The following GPD2 variants were observed in gnomAD, a reference collection of about 807,000 sequenced individuals.
GPD2 encodes glycerol-3-phosphate dehydrogenase, mitochondrial.
A neutral mutation model predicts 82.4 loss-of-function variants in GPD2; 54 were observed. That is an observed-to-expected ratio of 0.66 (90% confidence interval 0.53 to 0.82). The LOEUF (loss-of-function observed/expected upper bound fraction) is 0.82. Ranked by LOEUF, GPD2 falls within the 40% of genes least tolerant of loss-of-function variation. GPD2 has a pLI of 0.00. For synonymous variants in GPD2, 288 were observed against 306.1 expected (o/e 0.94, Z 0.62); for missense variants, 748 against 896.2 (o/e 0.83, Z 2.11).
intron 1 of GPD2, among the ~76,000 whole-genome samples, chr2:156,463,579 G>A (rs1256514218): frequency 6.6e-6 from 1 of 152,166 alleles, no homozygotes; most frequent in Non-Finnish European, 1.5e-5. Flanking sequence ...TTGAAGGCTA[G>A]CTCATATATA....
At chr2:156,401,142 A>G in the GPD2 span, among the ~76,000 whole-genome samples, 17 of 152,306 alleles carry the variant, frequency 1.1e-4, no homozygotes, top group East Asian at 5.8e-4. Flanking sequence ...CTAGAAGTCA[A>G]AACTTGCATT....
chr2:156,429,267 A>G, the GPD2 span, among the ~76,000 whole-genome samples: 1 of 152,184 alleles, frequency 6.6e-6, no homozygotes, highest in African/African-American at 2.4e-5. Flanking sequence ...CACTAGGATG[A>G]TAACTAAGCT....
In GPD2 at chr2:156,569,622, C is replaced by T. The variant is rs12475999; in HGVS notation, c.1476+84C>T. On this transcript the variant is annotated intron_variant, in intron 11 of 16. Coordinates refer to ENST00000438166, the MANE Select transcript of GPD2 (RefSeq NM_000408.5). ...ACAGAACTGGCAGCAATCAGGTCTC[C>T]CTGATTGAGATTTCCTTTTGCTGAA... The T allele has an allele frequency of 1.0e-5, 10 of 1,000,596 alleles. No homozygotes were observed. In the Admixed American group the frequency reaches 1.7e-4, roughly 17 times the overall value. The allele number at this position is 1,000,596 out of a possible 1,614,324, so 62.0% of individuals were successfully genotyped here.
rs71419095 is a variant in GPD2, at chr2:156,443,402, A to G, written c.-9+6889A>G. Among the ~76,000 whole-genome samples the G allele has an allele frequency of 3.6e-3, 543 of 152,328 alleles. 2 individuals are homozygous for G. Among genetic ancestry groups the G allele is most frequent in the Non-Finnish European group, 6.2e-3 (421 of 68,032 alleles). ...GGTGACACCTAGTAAGCAGTTGTTC[A>G]TTAATGGTTGCCCCATAATTCAGTC... On this transcript the variant is annotated intron_variant, in intron 1 of 16. Transcript: ENST00000438166.
chr2:156,525,927 T>G (rs958114362), intron 6 of GPD2, among the ~76,000 whole-genome samples: 1 of 152,332 alleles, frequency 6.6e-6, no homozygotes, highest in Admixed American at 6.5e-5. Flanking sequence ...TAAAATTAAC[T>G]TAAAAAATTT....
the GPD2 span, among the ~76,000 whole-genome samples, chr2:156,418,385 A>G: frequency 6.7e-6 from 1 of 149,722 alleles, no homozygotes; most frequent in African/African-American, 2.4e-5. Context: ...AATAGACAAC[A>G]TCTCAAAAAA....
intron 1 of GPD2, among the ~76,000 whole-genome samples, chr2:156,472,563 C>G (rs1476862288): frequency 1.3e-5 from 2 of 152,186 alleles, no homozygotes; most frequent in Non-Finnish European, 2.9e-5. Flanking sequence ...CTCAAATGAT[C>G]TACCCACCTC....
chr2:156,433,244 G>T (rs566211770), upstream of GPD2, among the ~76,000 whole-genome samples: 2 of 152,082 alleles, frequency 1.3e-5, no homozygotes, highest in Non-Finnish European at 2.9e-5. Context: ...TCTTGCCTGG[G>T]GACTAGATTG....
At chr2:156,477,682 A>G (rs1405818067) in intron 2 of GPD2, among the ~76,000 whole-genome samples, 1 of 152,220 alleles carries the variant, frequency 6.6e-6, no homozygotes, top group Non-Finnish European at 1.5e-5. Context: ...TAATCATTAT[A>G]CATATTGATT....
chr2:156,529,837 T>C (rs908698926), intron 6 of GPD2, among the ~76,000 whole-genome samples: 23 of 152,260 alleles, frequency 1.5e-4, no homozygotes, highest in African/African-American at 4.3e-4. Flanking sequence ...TTTTGGTTAC[T>C]GTAGCCTTGT....
chr2:156,439,537 A>G (rs1682076247), intron 1 of GPD2, among the ~76,000 whole-genome samples: 1 of 96,816 alleles, frequency 1.0e-5, no homozygotes, highest in East Asian at 2.8e-4. Flanking sequence ...AAAAAAAAAA[A>G]AACAAAAAAA....
chr2:156,515,338 A>G (rs1184779064), intron 6 of GPD2, among the ~76,000 whole-genome samples: 3 of 151,010 alleles, frequency 2.0e-5, no homozygotes, highest in Admixed American at 6.6e-5. Flanking sequence ...CCGCCATTAC[A>G]CTCCAGCCTG....
At chr2:156,533,181 C>G (rs911888871) in intron 6 of GPD2, among the ~76,000 whole-genome samples, 3 of 152,174 alleles carry the variant, frequency 2.0e-5, no homozygotes, top group African/African-American at 7.2e-5. Context: ...CAGAGTGAAA[C>G]AGGTATCCTT....
At chr2:156,529,709 T>A (rs1685768838) in intron 6 of GPD2, among the ~76,000 whole-genome samples, 1 of 151,012 alleles carries the variant, frequency 6.6e-6, no homozygotes, top group South Asian at 2.1e-4. Context: ...CTTTCCCCAT[T>A]GCTTGTTTTT....
chr2:156,566,031 C>T (rs890960615), intron 9 of GPD2, among the ~76,000 whole-genome samples: 2 of 152,070 alleles, frequency 1.3e-5, no homozygotes, highest in Admixed American at 1.3e-4. Context: ...GCCCTGCCCT[C>T]TGCTCACAAA....
At chr2:156,420,386 T>G in the GPD2 span, among the ~76,000 whole-genome samples, 28,644 of 152,092 alleles carry the variant, frequency 0.19, 3,184 homozygotes, top group Non-Finnish European at 0.24. Context: ...TTAGCCAGGA[T>G]GGTCTCAATC....
At chr2:156,424,815 T>C in the GPD2 span, among the ~76,000 whole-genome samples, 105 of 152,304 alleles carry the variant, frequency 6.9e-4, no homozygotes, top group African/African-American at 2.4e-3. Context: ...ATGACAACAA[T>C]GGACAAAAGC....
intron 8 of GPD2, among the ~76,000 whole-genome samples, chr2:156,551,300 AAGAAT>A (rs1442032511): frequency 6.6e-6 from 1 of 152,228 alleles, no homozygotes; most frequent in Non-Finnish European, 1.5e-5. Context: ...GAGATAAAAT[AAGAAT>A]AGCTATTAAA....
chr2:156,552,661 T>C (rs1229413946), intron 8 of GPD2, among the ~76,000 whole-genome samples: 1 of 152,170 alleles, frequency 6.6e-6, no homozygotes, highest in Non-Finnish European at 1.5e-5. Flanking sequence ...CTTATGTTAA[T>C]TCTGTCATTA....
Sources: allele counts gnomAD v4.1 joint callset (sites outside exome capture counted in the v4.1 genomes callset), GRCh38; gene constraint gnomAD v4.1.1; transcripts MANE v1.5; gene names NCBI Gene and HGNC (gene_info 2026-07-23, HGNC 2026-07-21).